The following TNPO2 variants were observed in gnomAD, a reference collection of about 807,000 sequenced individuals.
TNPO2 encodes the protein transportin 2.
Under a neutral mutation model 111.1 loss-of-function variants are expected in TNPO2, and 16 were observed. The ratio of observed to expected loss-of-function variants is 0.14; its 90% CI spans 0.10 to 0.22. The LOEUF is 0.22. Ranked by LOEUF, TNPO2 falls within the 10% of genes least tolerant of loss-of-function variation. The pLI is 1.00. For synonymous variants in TNPO2, 481 were observed against 475.8 expected (o/e 1.01, Z -0.14); for missense variants, 530 against 1,173.7 (o/e 0.45, Z 8.01).
Position 12,703,093 on chromosome 19 carries a change from C to G in TNPO2, c.2210-175G>C. 6 of 621,318 alleles carry G rather than the reference C, an allele frequency of 9.7e-6. No individual in the cohort carries two copies. In the South Asian group the frequency reaches 1.2e-4, roughly 12 times the overall value. 38.5% of individuals were successfully genotyped at this position (621,318 alleles called of 1,614,324 possible). On this transcript the variant is annotated intron_variant, in intron 20 of 25. Coordinates refer to ENST00000425528, the MANE Select transcript of TNPO2 (RefSeq NM_001382241.1). ...TCCCCACCCAGAATCCCTGGCCAAC[C>G]AGGGACAGACCCACACCCTCCAAAC...
At position 12,701,571 on chromosome 19, in the gene TNPO2, T is replaced by C. The variant is rs772246935; in HGVS notation, c.2586+27A>G. Reference sequence around the variant, plus strand: ...TCTCACCCCTGCCTGCTCCCGGAACTAGATCAGGGCCCAGACAGAGCCTCA... The same window carrying C: ...TCTCACCCCTGCCTGCTCCCGGAACCAGATCAGGGCCCAGACAGAGCCTCA... On this transcript the variant is annotated intron_variant, in intron 24 of 25. Coordinates refer to ENST00000425528, the MANE Select transcript of TNPO2 (RefSeq NM_001382241.1). This position sits in a 1 kb window ranked among gnomAD's most constrained non-coding sequence, Gnocchi z 5.0. 6.2e-7 allele frequency: 1 copy of C among 1,612,870 alleles called. No individual in the cohort carries two copies. The highest frequency in any genetic ancestry group is 8.5e-7 in the Non-Finnish European group (1 of 1,179,124).
intron 13 of TNPO2, among the ~76,000 whole-genome samples, chr19:12,707,717 G>A (rs116979574): frequency 0.021 from 3,236 of 151,690 alleles, 48 homozygotes; most frequent in Non-Finnish European, 0.036. Flanking sequence ...TTAAAATCCC[G>A]ACCTCACGTG....
At position 12,701,468 on chromosome 19, in the gene TNPO2, G is replaced by T. The variant is rs775487224; in HGVS notation, c.2587-15C>A. The T allele has an allele frequency of 6.2e-7, 1 of 1,611,146 alleles. No homozygotes were observed. Among genetic ancestry groups the T allele is most frequent in the South Asian group, 1.1e-5 (1 of 91,040 alleles). Reference sequence around the variant, plus strand: ...CCGTGGAGAATCTGTGGGGAGGGTGGTGGTGAGGGGTAGGCAGGGGCAGAA... The same window carrying T: ...CCGTGGAGAATCTGTGGGGAGGGTGTTGGTGAGGGGTAGGCAGGGGCAGAA... On this transcript the variant is annotated splice_polypyrimidine_tract_variant and intron_variant, in intron 24 of 25. Transcript: ENST00000425528. The surrounding 1 kb of genome is among the most constrained non-coding windows in gnomAD (Gnocchi z 5.0).
chr19:12,715,820 T>C lies in TNPO2; in HGVS notation c.326-81A>G. 1 of 1,162,582 alleles carries C rather than the reference T, an allele frequency of 8.6e-7. No homozygotes were observed. The highest frequency in any genetic ancestry group is 1.2e-6 in the Non-Finnish European group (1 of 809,188). The allele number at this position is 1,162,582 out of a possible 1,614,324, so 72.0% of individuals were successfully genotyped here. On this transcript the variant is annotated intron_variant, in intron 5 of 25. Transcript: ENST00000425528. This position sits in a 1 kb window ranked among gnomAD's most constrained non-coding sequence, Gnocchi z 7.1. ...TCCCCCTCCCACTGGACACCCCCAG[T>C]GCTGCCTTTCTGTTCCCTAGCCCAT...
rs1967160386 is a variant in TNPO2 at position 12,723,750 on chromosome 19, A to G, written c.-131+19T>C. The G allele has an allele frequency of 6.6e-6, 1 of 152,156 alleles. No individual in the cohort carries two copies. Among genetic ancestry groups the G allele is most frequent in the Non-Finnish European group, 1.5e-5 (1 of 68,028 alleles). 9.4% of individuals were successfully genotyped at this position (152,156 alleles called of 1,614,324 possible). A position where few individuals can be genotyped will look rare whatever the true frequency, so the allele number is the denominator to read the frequency against. ...TTTTTGCCCCTGCCTGAAGGAGGGG[A>G]ACAGCTATCTCAACCCACTTGCCGT... On this transcript the variant is annotated intron_variant, in intron 1 of 25. Transcript: ENST00000425528.
rs722571 is a variant in TNPO2 at position 12,700,565 on chromosome 19, T to C, written c.*699A>G. Reference sequence around the variant, plus strand: ...CAAAGCTGGCAGGGAGTGTGTGGAGTGGGTCCCAAGCATGTGCGTGCTGAC... The same window carrying C: ...CAAAGCTGGCAGGGAGTGTGTGGAGCGGGTCCCAAGCATGTGCGTGCTGAC... On this transcript the variant is annotated 3_prime_UTR_variant, in exon 26 of 26. Transcript: ENST00000425528. 0.47 allele frequency: 70,680 copies of C among 151,392 alleles called. 17,623 individuals are homozygous for C. Among genetic ancestry groups the C allele is most frequent in the African/African-American group, 0.62 (25,658 of 41,136 alleles). The allele number at this position is 151,392 out of a possible 1,614,324, so 9.4% of individuals were successfully genotyped here. A position where few individuals can be genotyped will look rare whatever the true frequency, so the allele number is the denominator to read the frequency against.
chr19:12,702,381 CT>C lies in TNPO2; in HGVS notation c.2306-205del, dbSNP rs1568331048. 2.9e-6 allele frequency: 2 copies of C among 691,300 alleles called. No individual in the cohort carries two copies. The highest frequency in any genetic ancestry group is 4.1e-5 in the Admixed American group (2 of 48,732). 42.8% of individuals were successfully genotyped at this position (691,300 alleles called of 1,614,324 possible). A position where few individuals can be genotyped will look rare whatever the true frequency, so the allele number is the denominator to read the frequency against. ...TCTTTCTTTCTTTCCTTTCCCTTTC[CT>C]TTTTGTTTTTTTTTGTTTTGTTTTG... On this transcript the variant is annotated intron_variant, in intron 21 of 25. Coordinates refer to ENST00000425528, the MANE Select transcript of TNPO2 (RefSeq NM_001382241.1). The surrounding 1 kb of genome is among the most constrained non-coding windows in gnomAD (Gnocchi z 5.5).
At chr19:12,722,659 G>T (rs561444230) in intron 2 of TNPO2, 1 of 150,532 alleles carries the variant, frequency 6.6e-6, no homozygotes, top group East Asian at 1.9e-4. Context: ...CGTTCAAACT[G>T]GTCCCGCCGA....
At chr19:12,713,824 C>T (rs8100572) in intron 10 of TNPO2, among the ~76,000 whole-genome samples, 23,878 of 152,080 alleles carry the variant, frequency 0.16, 5,718 homozygotes, top group African/African-American at 0.52. Context: ...GGCCAGGGAT[C>T]CGAGACCAGC....
chr19:12,704,084 G>A (rs918171360), intron 18 of TNPO2, among the ~76,000 whole-genome samples: 1 of 152,152 alleles, frequency 6.6e-6, no homozygotes, highest in African/African-American at 2.4e-5. Flanking sequence ...ACAGTGTTAG[G>A]GCCAGGCGCA....
chr19:12,711,188 C>T, intron 12 of TNPO2, 108 bp downstream of exon 12: 1 of 1,464,214 alleles, frequency 6.8e-7, no homozygotes, highest in Non-Finnish European at 9.2e-7. Context: ...GCCACTGCGC[C>T]CGGCCACGAT....
intron 13 of TNPO2, among the ~76,000 whole-genome samples, 176 bp downstream of exon 13, chr19:12,710,445 G>A (rs555325186): frequency 6.6e-6 from 1 of 152,314 alleles, no homozygotes; most frequent in African/African-American, 2.4e-5. Flanking sequence ...CTTGCACTGT[G>A]GGGCTCCAGG....
intron 13 of TNPO2, among the ~76,000 whole-genome samples, chr19:12,708,781 G>C (rs1332884219): frequency 6.6e-6 from 1 of 152,046 alleles, no homozygotes. Flanking sequence ...TGAGGCAGGA[G>C]AATCTCTGGA....
rs1045560974 is a variant in TNPO2 at position 12,723,856 on chromosome 19, C to G, written c.-218G>C. 4.6e-5 allele frequency: 7 copies of G among 152,226 alleles called. No individual in the cohort carries two copies. Among genetic ancestry groups the G allele is most frequent in the Non-Finnish European group, 1.0e-4 (7 of 68,050 alleles). The allele number at this position is 152,226 out of a possible 1,614,324, so 9.4% of individuals were successfully genotyped here. A position where few individuals can be genotyped will look rare whatever the true frequency, so the allele number is the denominator to read the frequency against. ...AGGTTAGGGAAGTGTCGGCAGGCGC[C>G]TAACTCCACTCGGAGAATCGCGGAA... On this transcript the variant is annotated 5_prime_UTR_variant, in exon 1 of 26. Coordinates refer to ENST00000425528, the MANE Select transcript of TNPO2 (RefSeq NM_001382241.1).
chr19:12,710,547 TTGGTG>T lies in TNPO2; in HGVS notation c.1270+69_1270+73del, dbSNP rs1288533344. On this transcript the variant is annotated intron_variant, in intron 13 of 25. Transcript: ENST00000425528. ...TAGGCCTCCAGGGAGAACTGAGGCA[TTGGTG>T]TGGCTAGTAATGTGGGCCAGCCCTA... 8 of 1,530,298 alleles carry T rather than the reference TTGGTG, an allele frequency of 5.2e-6. No homozygotes were observed. In the East Asian group the frequency reaches 1.9e-4, roughly 37 times the overall value. The allele number at this position is 1,530,298 out of a possible 1,614,324, so 94.8% of individuals were successfully genotyped here.
At position 12,715,657 on chromosome 19, in the gene TNPO2, G is replaced by A; in HGVS notation, c.408C>T (p.Asn136=). ...CCTCACAAGTGTTGTAATCCTCCGA[G>A]TTAAGCAGGTTGCAGAGCTGGGGCA... ...ELLPQLCNLL[N]SEDYNTCEGA... Residue 136 remains asparagine (N), a synonymous_variant, in exon 6 of 26, where the codon AAC becomes AAT. Coordinates refer to ENST00000425528, the MANE Select transcript of TNPO2 (RefSeq NM_001382241.1). The surrounding 1 kb of genome is among the most constrained non-coding windows in gnomAD (Gnocchi z 7.1). 1 of 1,613,798 alleles carries A rather than the reference G, an allele frequency of 6.2e-7. No individual in the cohort carries two copies.
chr19:12,706,412 G>C lies in TNPO2; in HGVS notation c.1497-45C>G. 6.2e-7 allele frequency: 1 copy of C among 1,610,136 alleles called. No individual in the cohort carries two copies. The highest frequency in any genetic ancestry group is 2.2e-5 in the East Asian group (1 of 44,868). On this transcript the variant is annotated intron_variant, in intron 14 of 25. Transcript: ENST00000425528. This position sits in a 1 kb window ranked among gnomAD's most constrained non-coding sequence, Gnocchi z 7.0. ...AGCGGGGGCTCAGTGGACCATGGCA[G>C]GTGACACTGGGCCATGGGCAGTTGG...
At position 12,719,192 on chromosome 19, in the gene TNPO2, G is replaced by A. The variant is rs754429698; in HGVS notation, c.176-14C>T. 23 of 1,613,820 alleles carry A rather than the reference G, an allele frequency of 1.4e-5. No homozygotes were observed. The Admixed American group carries it at 3.3e-4, about 23-fold the overall frequency. On this transcript the variant is annotated splice_polypyrimidine_tract_variant and intron_variant, in intron 4 of 25. Coordinates refer to ENST00000425528, the MANE Select transcript of TNPO2 (RefSeq NM_001382241.1). The surrounding 1 kb of genome is among the most constrained non-coding windows in gnomAD (Gnocchi z 5.0). ...GCGTTGGCTCATCTGGGAGGAGGAA[G>A]GCTGAGGTTCAGGGGCCCAGGGGGA... is the stretch of plus-strand genomic sequence containing the variant.
chr19:12,714,904 G>A lies in TNPO2; in HGVS notation c.807C>T (p.Asn269=), dbSNP rs780647243. ...MLQRTQDHDE[N]VALEACEFWL... is the part of the protein sequence containing the mutation. ...AGAACTCACAGGCCTCAAGGGCAAC[G>A]TTCTCATCATGGTCCTGGGTCCTCT... Residue 269 remains asparagine (N), a synonymous_variant, in exon 10 of 26, where the codon AAC becomes AAT. Coordinates refer to ENST00000425528, the MANE Select transcript of TNPO2 (RefSeq NM_001382241.1). 1.1e-5 allele frequency: 18 copies of A among 1,613,568 alleles called. No homozygotes were observed. Among genetic ancestry groups the A allele is most frequent in the South Asian group, 8.8e-5 (8 of 91,072 alleles).
Sources: gnomAD v4.1 joint callset for allele counts (sites outside exome capture counted in the v4.1 genomes callset) on GRCh38, gnomAD v4.1.1 for gene constraint, Gnocchi (gnomAD v3.1) non-coding constraint, MANE v1.5 for transcripts, NCBI Gene and HGNC (gene_info 2026-07-23, HGNC 2026-07-21) for gene names.